The following ANXA8 variants were observed in gnomAD, a reference collection of about 807,000 sequenced individuals.
The protein encoded by ANXA8 is VAC-beta.
Under a neutral mutation model 26.8 loss-of-function variants are expected in ANXA8, and 9 were observed. The observed-to-expected ratio is 0.34, with a 90% confidence interval of 0.20 to 0.59. ANXA8 has a LOEUF of 0.59. ANXA8 is among the 20% of genes least tolerant of loss of function. The probability of loss-of-function intolerance (pLI) is 0.84; values close to 1 mark genes in which losing one functional copy is unlikely to be tolerated. For missense variants in ANXA8, 83 were observed against 238.5 expected, an observed-to-expected ratio of 0.35 and a Z score of 4.29; for synonymous variants, 39 against 94.8, an observed-to-expected ratio of 0.41 and a Z score of 3.42.
intron 1 of ANXA8, among the ~76,000 whole-genome samples, chr10:47,480,812 T>C (rs1839750146): frequency 8.2e-6 from 1 of 121,562 alleles, no homozygotes; most frequent in African/African-American, 3.0e-5. Flanking sequence ...CCCATTTGAC[T>C]ACCACATCCA....
chr10:47,653,677 G>A, the ANXA8 span, among the ~76,000 whole-genome samples: 3 of 149,258 alleles, frequency 2.0e-5, no homozygotes, highest in East Asian at 3.9e-4. Context: ...ACAGAGTCTC[G>A]CTCTGTCGCC....
chr10:47,553,946 C>G, the ANXA8 span, among the ~76,000 whole-genome samples: 2 of 149,104 alleles, frequency 1.3e-5, no homozygotes, highest in Non-Finnish European at 3.0e-5. Context: ...AGATGACAGA[C>G]GAGGGAGATC....
chr10:47,501,811 T>C, the ANXA8 span: 4 of 512,852 alleles, frequency 7.8e-6, no homozygotes, highest in South Asian at 5.1e-5. Context: ...ACACATTTTA[T>C]CTAAATACAT....
At chr10:47,516,048 A>T in the ANXA8 span, among the ~76,000 whole-genome samples, 1 of 127,514 alleles carries the variant, frequency 7.8e-6, no homozygotes, top group African/African-American at 3.1e-5. Context: ...TTCAATAGAA[A>T]TAGTAGAGGA....
chr10:47,941,093 C>G, the ANXA8 span, among the ~76,000 whole-genome samples: 3 of 145,438 alleles, frequency 2.1e-5, no homozygotes, highest in Admixed American at 6.9e-5. Context: ...ACCCAGGGAT[C>G]TATAACATTT....
At chr10:47,705,996 C>A in the ANXA8 span, among the ~76,000 whole-genome samples, 10 of 150,360 alleles carry the variant, frequency 6.7e-5, no homozygotes, top group African/African-American at 2.2e-4. Context: ...GTCACGTGGG[C>A]GTGTTGTGGG....
the ANXA8 span, among the ~76,000 whole-genome samples, chr10:47,493,017 C>T: frequency 0.031 from 4,731 of 151,212 alleles, 277 homozygotes; most frequent in African/African-American, 0.11. Flanking sequence ...ATGGTGTTTG[C>T]GGGCTCCAGG....
the ANXA8 span, among the ~76,000 whole-genome samples, chr10:47,705,239 A>C: frequency 6.8e-6 from 1 of 146,100 alleles, no homozygotes. Context: ...GGTTTTGCCC[A>C]GTTGAAGTCA....
At chr10:47,941,270 C>A in the ANXA8 span, among the ~76,000 whole-genome samples, 1 of 146,452 alleles carries the variant, frequency 6.8e-6, no homozygotes, top group African/African-American at 2.7e-5. Flanking sequence ...TCCGAGAGGA[C>A]CAGTACCTAG....
the ANXA8 span, among the ~76,000 whole-genome samples, chr10:47,901,118 C>T: frequency 7.0e-6 from 1 of 142,488 alleles, no homozygotes; most frequent in Non-Finnish European, 1.5e-5. Context: ...AGAATTATCA[C>T]CCCAGCCAAG....
chr10:47,700,056 C>G, the ANXA8 span, among the ~76,000 whole-genome samples: 9 of 151,876 alleles, frequency 5.9e-5, 1 homozygote, highest in African/African-American at 2.2e-4. Context: ...TAGGATGACT[C>G]AACATTATAA....
At chr10:47,974,071 G>A in the ANXA8 span, among the ~76,000 whole-genome samples, 1 of 150,768 alleles carries the variant, frequency 6.6e-6, no homozygotes, top group African/African-American at 2.4e-5. Context: ...ATTACTCACA[G>A]TATTTTCTGA....
the ANXA8 span, among the ~76,000 whole-genome samples, chr10:47,670,029 C>G: frequency 6.6e-6 from 1 of 151,914 alleles, no homozygotes; most frequent in Admixed American, 6.6e-5. Flanking sequence ...CCCTCCCTCC[C>G]CCAGCCCCTG....
At chr10:47,778,722 A>C in the ANXA8 span, among the ~76,000 whole-genome samples, 9 of 151,978 alleles carry the variant, frequency 5.9e-5, no homozygotes, top group South Asian at 2.1e-4. Flanking sequence ...CACTTAAATC[A>C]TATTTTTTAT....
chr10:47,740,311 T>C, the ANXA8 span, among the ~76,000 whole-genome samples: 7 of 148,590 alleles, frequency 4.7e-5, no homozygotes, highest in African/African-American at 1.8e-4. Context: ...GGCAGTAGGA[T>C]GCCTGACTCA....
At chr10:47,565,454 G>T in the ANXA8 span, 1 of 426,086 alleles carries the variant, frequency 2.3e-6, no homozygotes, top group Middle Eastern at 6.1e-4. Flanking sequence ...CATCAAGTCG[G>T]CCTACGCCCC....
At chr10:47,699,559 G>T in the ANXA8 span, among the ~76,000 whole-genome samples, 5 of 151,322 alleles carry the variant, frequency 3.3e-5, no homozygotes, top group African/African-American at 1.2e-4. Flanking sequence ...GAGTGCAGTG[G>T]TTTGCGTCTG....
chr10:47,894,662 C>A, the ANXA8 span, among the ~76,000 whole-genome samples: 1 of 79,140 alleles, frequency 1.3e-5, no homozygotes, highest in African/African-American at 4.3e-5. Flanking sequence ...ACAGAATACA[C>A]CCCCCACACA....
At chr10:47,960,517 T>A in the ANXA8 span, among the ~76,000 whole-genome samples, 2 of 149,798 alleles carry the variant, frequency 1.3e-5, no homozygotes, top group Admixed American at 6.6e-5. Flanking sequence ...AGATGCTTTC[T>A]GAGCATTGCT....
Sources: gnomAD v4.1 joint callset for allele counts (sites outside exome capture counted in the v4.1 genomes callset) on GRCh38, gnomAD v4.1.1 for gene constraint, MANE v1.5 for transcripts, NCBI Gene and HGNC (gene_info 2026-07-23, HGNC 2026-07-21) for gene names.